PFKM: variants seen among roughly 807,000 people sequenced by gnomAD.
The protein encoded by PFKM is ATP-dependent 6-phosphofructokinase, muscle type.
Under a neutral mutation model 95.5 loss-of-function variants are expected in PFKM, and 58 were observed. The observed-to-expected ratio is 0.61, with a 90% CI of 0.49 to 0.76. The LOEUF is 0.76. Among genes scored for constraint, PFKM ranks in the 30% least tolerant of loss-of-function variants. PFKM has a pLI of 0.00. For synonymous variants in PFKM, 336 were observed against 357.2 expected (o/e 0.94, Z 0.67); for missense variants, 678 against 1,005.4 (o/e 0.67, Z 4.40).
rs554756405 is a variant in PFKM at position 48,107,298 on chromosome 12, A to C, written c.-9-67A>C. 4 of 991,924 alleles carry C rather than the reference A, an allele frequency of 4.0e-6. No homozygotes were observed. The East Asian group carries it at 7.2e-5, about 18-fold the overall frequency. The allele number at this position is 991,924 out of a possible 1,614,324, so 61.4% of individuals were successfully genotyped here. On this transcript the variant is annotated intron_variant, in intron 1 of 24. Coordinates refer to the PFKM transcript ENST00000340802. Reference sequence around the variant, plus strand: ...AAGTAGTCATGAGTGTAGCTGGTCCATGTCAGTCACTGACATCTTATTTCA... The same window carrying C: ...AAGTAGTCATGAGTGTAGCTGGTCCCTGTCAGTCACTGACATCTTATTTCA...
At chr12:48,121,600 G>A (rs375853185) in intron 1 of PFKM, among the ~76,000 whole-genome samples, 18 of 152,260 alleles carry the variant, frequency 1.2e-4, no homozygotes, top group Middle Eastern at 6.8e-3. Flanking sequence ...CAAGCTGCCC[G>A]TAAAACTTGG....
At chr12:48,137,152 C>G (rs1950179559) in intron 10 of PFKM, among the ~76,000 whole-genome samples, 1 of 151,442 alleles carries the variant, frequency 6.6e-6, no homozygotes. Context: ...GTCTCCATCT[C>G]CTGGGTTCAA....
rs568758777 is a variant in PFKM at position 48,113,901 on chromosome 12, G to A, written c.205+5707G>A. On this transcript the variant is annotated intron_variant, in intron 3 of 24. Coordinates refer to the PFKM transcript ENST00000340802. ...CTTCTGGCCTCTCTGGGTCTAGGGT[G>A]GTAAAGCGTCTAAGGGTTGCTGCTA... Among the ~76,000 whole-genome samples the A allele has an allele frequency of 8.5e-5, 13 of 152,270 alleles. No homozygotes were observed. In the South Asian group the frequency reaches 2.3e-3, roughly 27 times the overall value.
At chr12:48,127,538 A>T (rs972150826) in intron 2 of PFKM, among the ~76,000 whole-genome samples, 5 of 152,170 alleles carry the variant, frequency 3.3e-5, no homozygotes, top group African/African-American at 1.2e-4. Context: ...CCAACTGGAT[A>T]TAAGTCCTGT....
intron 15 of PFKM, 61 bp downstream of exon 15, chr12:48,141,442 G>T (rs763660713): frequency 1.9e-4 from 267 of 1,396,414 alleles, no homozygotes; most frequent in Non-Finnish European, 2.6e-4. Flanking sequence ...CTTGGATGTG[G>T]GTTCATTATG....
intron 3 of PFKM, among the ~76,000 whole-genome samples, chr12:48,110,807 G>C (rs1163029095): frequency 6.6e-6 from 1 of 152,152 alleles, no homozygotes; most frequent in Non-Finnish European, 1.5e-5. Flanking sequence ...AAGCAGCTCT[G>C]CCTGTACTAT....
chr12:48,141,737 T>C lies in PFKM; in HGVS notation c.1413-3T>C. The C allele has an allele frequency of 1.2e-6, 2 of 1,605,658 alleles. No homozygotes were observed. The highest frequency in any genetic ancestry group is 1.7e-6 in the Non-Finnish European group (2 of 1,172,278). On this transcript the variant is annotated splice_polypyrimidine_tract_variant and splice_region_variant and intron_variant, in intron 15 of 22. Transcript: ENST00000359794. ...CCCCTCCCCGCCATCACTGATCAACTAGGACTCTACCCAAGAAGAGCTTTG... is the reference window on the plus strand; with the variant it reads ...CCCCTCCCCGCCATCACTGATCAACCAGGACTCTACCCAAGAAGAGCTTTG...
chr12:48,135,082 A>T (rs773193401), intron 9 of PFKM, 44 bp downstream of exon 9: 4 of 1,441,688 alleles, frequency 2.8e-6, no homozygotes, highest in Non-Finnish European at 3.9e-6. Context: ...TCCATAGCCC[A>T]TTCCCTTCTG....
At chr12:48,125,808 G>A (rs1405923956) in intron 2 of PFKM, among the ~76,000 whole-genome samples, 1 of 151,928 alleles carries the variant, frequency 6.6e-6, no homozygotes, top group Non-Finnish European at 1.5e-5. Context: ...TTACCTCTCT[G>A]GCTTGCTATT....
chr12:48,111,168 T>C (rs573494975), intron 3 of PFKM, among the ~76,000 whole-genome samples: 1 of 152,180 alleles, frequency 6.6e-6, no homozygotes, highest in Admixed American at 6.5e-5. Flanking sequence ...CAAGACTACT[T>C]CTAGTGACCT....
rs530227890 is a variant in PFKM at position 48,140,040 on chromosome 12, C to A, written c.1191+128C>A. 5.5e-5 allele frequency: 38 copies of A among 687,410 alleles called. No homozygotes were observed. In the South Asian group the frequency reaches 5.6e-4, roughly 10 times the overall value. 42.6% of individuals were successfully genotyped at this position (687,410 alleles called of 1,614,324 possible). ...CTCTGCCCCACTCTGATCTTCAGTGCTGGGTCCCTGGCCCTATTATAATGA... is the reference window on the plus strand; with the variant it reads ...CTCTGCCCCACTCTGATCTTCAGTGATGGGTCCCTGGCCCTATTATAATGA... On this transcript the variant is annotated intron_variant, in intron 13 of 22. Coordinates refer to ENST00000359794, the MANE Select transcript of PFKM (RefSeq NM_000289.6).
intron 2 of PFKM, among the ~76,000 whole-genome samples, chr12:48,123,933 C>T (rs533153638): frequency 1.7e-4 from 26 of 152,304 alleles, no homozygotes; most frequent in South Asian, 1.7e-3. Flanking sequence ...TTTCAAGACA[C>T]TGAACTCTTT....
intron 1 of PFKM, 171 bp from the exon 2 acceptor site, chr12:48,122,596 G>T: frequency 2.7e-6 from 4 of 1,464,988 alleles, no homozygotes; most frequent in Non-Finnish European, 3.6e-6. Context: ...CAGTCTACAA[G>T]GGTGTGGCTT....
Position 48,143,620 on chromosome 12 carries a change from G to C in PFKM, c.1819-133G>C, listed in dbSNP as rs1950770865. ...GAGCTTCTTACAGGAATTAGGCACA[G>C]TTCAGGCCCAGGATTGTAAACAACT... On this transcript the variant is annotated intron_variant, in intron 18 of 22. Coordinates refer to ENST00000359794, the MANE Select transcript of PFKM (RefSeq NM_000289.6). 36 of 745,926 alleles carry C rather than the reference G, an allele frequency of 4.8e-5. No homozygotes were observed. In the South Asian group the frequency reaches 5.3e-4, roughly 11 times the overall value. The allele number at this position is 745,926 out of a possible 1,614,324, so 46.2% of individuals were successfully genotyped here. A position where few individuals can be genotyped will look rare whatever the true frequency, so the allele number is the denominator to read the frequency against.
At chr12:48,128,281 T>TC (rs1565874562) in intron 2 of PFKM, among the ~76,000 whole-genome samples, 3 of 137,694 alleles carry the variant, frequency 2.2e-5, no homozygotes, top group African/African-American at 8.2e-5. Flanking sequence ...CTCTCTCTCT[T>TC]TTTTTCGAGA....
upstream of PFKM, among the ~76,000 whole-genome samples, chr12:48,117,405 G>T (rs1263019590): frequency 2.6e-5 from 4 of 152,218 alleles, no homozygotes; most frequent in African/African-American, 9.7e-5. Flanking sequence ...GTAAAAAACT[G>T]TCAAACTGTC....
At chr12:48,119,224 G>C (rs1378997867), upstream of PFKM, 5 of 970,722 alleles carry the variant, frequency 5.2e-6, no homozygotes, top group Non-Finnish European at 6.1e-6. Context: ...GAGGAGAAAG[G>C]CAAGCAGGAG....
rs558941228 is a variant in PFKM, at chr12:48,133,177, A to T, written c.427+120A>T. The T allele has an allele frequency of 2.4e-5, 31 of 1,288,588 alleles. No homozygotes were observed. In the East Asian group the frequency reaches 5.5e-4, roughly 23 times the overall value. 79.8% of individuals were successfully genotyped at this position (1,288,588 alleles called of 1,614,324 possible). On this transcript the variant is annotated intron_variant, in intron 5 of 22. Coordinates refer to ENST00000359794, the MANE Select transcript of PFKM (RefSeq NM_000289.6). The stretch of plus-strand genomic sequence containing the variant: ...TGGAGAAAAATGTTACCCAGACACA[A>T]ATAGGCAGTCTTTGCCCTCCTTTTT...
exon 3 of PFKM, chr12:48,108,127 C>T (rs2137520617): frequency 1.9e-6 from 3 of 1,599,070 alleles, no homozygotes; most frequent in East Asian, 2.2e-5. Context: ...CAAAGACAGA[C>T]ATCTTGAAGA....
Sources: gnomAD v4.1 joint callset for allele counts (sites outside exome capture counted in the v4.1 genomes callset) on GRCh38, gnomAD v4.1.1 for gene constraint, MANE v1.5 for transcripts, NCBI Gene and HGNC (gene_info 2026-07-23, HGNC 2026-07-21) for gene names.